NR1H3: variants seen among roughly 807,000 people sequenced by gnomAD.
NR1H3 encodes the protein nuclear receptor subfamily 1 group H member 3, also known as oxysterols receptor LXR-alpha.
Under a neutral mutation model 48.1 loss-of-function variants are expected in NR1H3, and 19 were observed. That is an observed-to-expected ratio of 0.40 (90% CI 0.28 to 0.58). The LOEUF (loss-of-function observed/expected upper bound fraction) is 0.58, where lower values mean the gene tolerates loss of function less well. Ranked by LOEUF, NR1H3 falls within the 20% of genes least tolerant of loss-of-function variation. The pLI, the probability that NR1H3 is intolerant of heterozygous loss-of-function variation, is 0.50. For missense variants in NR1H3, 486 were observed against 595.9 expected (o/e 0.82, Z 1.92); for synonymous variants, 232 against 227.3 (o/e 1.02, Z -0.19).
chr11:47,263,763 C>T (rs1156622057), intron 7 of NR1H3, among the ~76,000 whole-genome samples: 3 of 151,898 alleles, frequency 2.0e-5, no homozygotes, highest in Admixed American at 2.0e-4. Context: ...CCACTACGCT[C>T]AGCTAACTTT....
upstream of NR1H3, among the ~76,000 whole-genome samples, chr11:47,254,144 C>G (rs1954883107): frequency 6.6e-6 from 1 of 152,202 alleles, no homozygotes; most frequent in Non-Finnish European, 1.5e-5. Flanking sequence ...AGACCCTAGC[C>G]TGCCCACCCC....
intron 7 of NR1H3, 127 bp downstream of exon 7, chr11:47,262,145 C>T (rs529323437): frequency 3.4e-5 from 22 of 653,504 alleles, no homozygotes; most frequent in Middle Eastern, 3.3e-4. Context: ...TTTGGGAGGC[C>T]GAGGTGGGCA....
chr11:47,259,395 C>T, intron 2 of NR1H3, 136 bp downstream of exon 2: 1 of 1,585,534 alleles, frequency 6.3e-7, no homozygotes, highest in Non-Finnish European at 8.6e-7. Flanking sequence ...TCGTGCTTGC[C>T]TCCCGCCCAG....
intron 7 of NR1H3, among the ~76,000 whole-genome samples, chr11:47,262,327 C>G (rs1311312108): frequency 6.8e-6 from 1 of 148,012 alleles, no homozygotes; most frequent in African/African-American, 2.5e-5. Context: ...TGTAGTGAGC[C>G]AAGATCGCAC....
At chr11:47,266,339 ATT>A (rs139598824) in intron 7 of NR1H3, among the ~76,000 whole-genome samples, 2 of 141,196 alleles carry the variant, frequency 1.4e-5, no homozygotes. Flanking sequence ...CTGAAAAAGG[ATT>A]TTTTTTTTTT....
upstream of NR1H3, among the ~76,000 whole-genome samples, chr11:47,257,387 T>C (rs3758674): frequency 0.11 from 16,787 of 152,174 alleles, 1,069 homozygotes; most frequent in South Asian, 0.23. Flanking sequence ...AGATTTCCTA[T>C]CAAAGGCTCT....
intron 7 of NR1H3, among the ~76,000 whole-genome samples, chr11:47,264,242 G>A (rs557552335): frequency 6.6e-6 from 1 of 152,264 alleles, no homozygotes; most frequent in South Asian, 2.1e-4. Flanking sequence ...TGTAAAATAT[G>A]GCTGATGCCC....
chr11:47,257,323 C>T (rs1955274252), upstream of NR1H3, among the ~76,000 whole-genome samples: 1 of 152,212 alleles, frequency 6.6e-6, no homozygotes, highest in African/African-American at 2.4e-5. Context: ...CCTGAGTTGC[C>T]TGTCTTCCTT....
At chr11:47,254,000 C>T (rs1194311558), upstream of NR1H3, among the ~76,000 whole-genome samples, 1 of 152,174 alleles carries the variant, frequency 6.6e-6, no homozygotes, top group African/African-American at 2.4e-5. Context: ...GAAATACTGC[C>T]CACAGGTTTT....
At chr11:47,261,169 T>G in intron 4 of NR1H3, 72 bp from the exon 5 acceptor site, 8 of 731,052 alleles carry the variant, frequency 1.1e-5, no homozygotes, top group Non-Finnish European at 1.4e-5. Context: ...CCTTCCCTCC[T>G]GTCTTTCCCC....
chr11:47,259,757 T>G, intron 2 of NR1H3, 34 bp from the exon 3 acceptor site: 2 of 1,610,506 alleles, frequency 1.2e-6, no homozygotes, highest in South Asian at 1.1e-5. Context: ...GGATGGGGCC[T>G]GAGACCCCCT....
upstream of NR1H3, chr11:47,248,359 G>A (rs1954296052): frequency 4.5e-6 from 6 of 1,324,914 alleles, no homozygotes; most frequent in Non-Finnish European, 6.2e-6. Flanking sequence ...GGTACAGGTA[G>A]GAAGGGAAAA....
chr11:47,252,370 T>G (rs2135567529), intron 1 of NR1H3, among the ~76,000 whole-genome samples: 1 of 152,178 alleles, frequency 6.6e-6, no homozygotes, highest in South Asian at 2.1e-4. Flanking sequence ...CAAGCGATTC[T>G]CCTGCCTCAG....
intron 9 of NR1H3, 42 bp from the exon 10 acceptor site, chr11:47,268,508 G>A (rs1183159896): frequency 4.3e-6 from 7 of 1,613,348 alleles, no homozygotes; most frequent in Middle Eastern, 3.3e-4. Context: ...CCGCTTCCCT[G>A]GGGACAGGCA....
rs560838452 is a variant in NR1H3 at position 47,266,702 on chromosome 11, C to T, written c.989-1211C>T. ...TGTCATCCAGGCTGGAGTGCAGTGGCGTGATCTCGGCTTACTGCAACCTCC... is the reference window on the plus strand; with the variant it reads ...TGTCATCCAGGCTGGAGTGCAGTGGTGTGATCTCGGCTTACTGCAACCTCC... On this transcript the variant is annotated intron_variant, in intron 7 of 9. Coordinates refer to ENST00000441012, the MANE Select transcript of NR1H3 (RefSeq NM_005693.4). Among the ~76,000 whole-genome samples the T allele has an allele frequency of 2.7e-5, 4 of 148,836 alleles. No individual in the cohort carries two copies. The East Asian group carries it at 6.0e-4, about 22-fold the overall frequency.
chr11:47,262,588 C>T (rs1196006184), intron 7 of NR1H3, among the ~76,000 whole-genome samples: 2 of 151,450 alleles, frequency 1.3e-5, no homozygotes, highest in Admixed American at 6.6e-5. Context: ...GATCTTGGCT[C>T]ACTACAACCT....
intron 1 of NR1H3, 140 bp from the exon 2 acceptor site, chr11:47,259,040 C>T: frequency 7.0e-7 from 1 of 1,431,278 alleles, no homozygotes; most frequent in African/African-American, 1.4e-5. Flanking sequence ...ATAATAAAGC[C>T]TTAGTACAGG....
intron 4 of NR1H3, 68 bp from the exon 5 acceptor site, chr11:47,261,172 CT>C: frequency 1.0e-6 from 1 of 996,320 alleles, no homozygotes; most frequent in Non-Finnish European, 1.4e-6. Flanking sequence ...TCCCTCCTGT[CT>C]TTCCCCCACC....
chr11:47,254,236 T>C (rs780301581), upstream of NR1H3, among the ~76,000 whole-genome samples: 3 of 150,500 alleles, frequency 2.0e-5, no homozygotes, highest in Non-Finnish European at 4.4e-5. Context: ...GGGGAGGGAG[T>C]TGAAGAACAA....
Sources: allele counts gnomAD v4.1 joint callset (sites outside exome capture counted in the v4.1 genomes callset), GRCh38; gene constraint gnomAD v4.1.1; transcripts MANE v1.5; gene names NCBI Gene and HGNC (gene_info 2026-07-23, HGNC 2026-07-21).